LRRN2: variants seen among roughly 807,000 people sequenced by gnomAD.
LRRN2 encodes the protein leucine-rich repeat neuronal protein 2.
A neutral mutation model predicts 35.7 loss-of-function variants in LRRN2; 10 were observed. The observed-to-expected ratio is 0.28, with a 90% CI of 0.17 to 0.47. The LOEUF is 0.47. Among genes scored for constraint, LRRN2 ranks in the 20% least tolerant of loss-of-function variants. The pLI, the probability that LRRN2 is intolerant of heterozygous loss-of-function variation, is 0.99. For synonymous variants in LRRN2, 391 were observed against 409.6 expected, an observed-to-expected ratio of 0.95 and a Z score of 0.55; for missense variants, 731 against 940.3, an observed-to-expected ratio of 0.78 and a Z score of 2.91.
intron 1 of LRRN2, among the ~76,000 whole-genome samples, chr1:204,637,132 G>C (rs531889178): frequency 6.6e-6 from 1 of 152,256 alleles, no homozygotes; most frequent in South Asian, 2.1e-4. Context: ...TTTACTGTGC[G>C]GTATGTTGGA....
chr1:204,674,994 G>A (rs58408615), intron 1 of LRRN2, among the ~76,000 whole-genome samples: 2,114 of 152,296 alleles, frequency 0.014, 42 homozygotes, highest in Middle Eastern at 0.048. Flanking sequence ...GTTCATGAGA[G>A]AATTCATGTA....
At chr1:204,650,169 G>A (rs1341053429) in intron 1 of LRRN2, among the ~76,000 whole-genome samples, 1 of 152,224 alleles carries the variant, frequency 6.6e-6, no homozygotes, top group Non-Finnish European at 1.5e-5. Flanking sequence ...ACTGGCAGGT[G>A]AGGGCTCAGG....
rs1253809357 is a variant in LRRN2, at chr1:204,618,134, G to A, written c.1859C>T (p.Ser620Phe). ...CVWARTKEAT[S>F]CHRALGDRPG... ...ACGGTCCCCTAAGGCTCTGTGGCAAGAAGTGGCCTCTTTGGTCCTGGCCCA... is the reference window on the plus strand; with the variant it reads ...ACGGTCCCCTAAGGCTCTGTGGCAAAAAGTGGCCTCTTTGGTCCTGGCCCA... The change falls in exon 2 of 2, where the codon TCT becomes TTT. Residue 620 changes from serine (S) to phenylalanine (F), a missense_variant. Ser to Phe is a radical substitution (Grantham distance 155). Around this residue, in one of 3 missense-constraint regions of LRRN2, gnomAD observed 229 missense variants for 258.4 expected, o/e 0.89. Coordinates refer to ENST00000367177, the MANE Select transcript of LRRN2 (RefSeq NM_201630.2). The A allele has an allele frequency of 1.2e-6, 2 of 1,614,136 alleles. No homozygotes were observed. The highest frequency in any genetic ancestry group is 3.3e-5 in the Admixed American group (2 of 60,018).
At chr1:204,671,644 A>T (rs868382409) in intron 1 of LRRN2, among the ~76,000 whole-genome samples, 36 of 125,652 alleles carry the variant, frequency 2.9e-4, no homozygotes, top group African/African-American at 1.3e-3. Context: ...ATTGATGGTA[A>T]AAAAAAAAAA....
At chr1:204,666,962 C>CAAAAAA (rs34503593) in intron 1 of LRRN2, among the ~76,000 whole-genome samples, 7 of 64,832 alleles carry the variant, frequency 1.1e-4, no homozygotes, top group Admixed American at 2.2e-4. Context: ...ACTCTGTCTC[C>CAAAAAA]AAAAAAAAAA....
At chr1:204,663,308 T>C (rs1668508749) in intron 1 of LRRN2, among the ~76,000 whole-genome samples, 1 of 152,162 alleles carries the variant, frequency 6.6e-6, no homozygotes, top group African/African-American at 2.4e-5. Flanking sequence ...CTGGCACTAC[T>C]CATGAGAAAC....
At chr1:204,684,312 C>T (rs577751670) in intron 1 of LRRN2, among the ~76,000 whole-genome samples, 1 of 152,312 alleles carries the variant, frequency 6.6e-6, no homozygotes, top group African/African-American at 2.4e-5. Context: ...CCCTGCCAGT[C>T]GCCCAGTTAG....
intron 1 of LRRN2, chr1:204,629,505 A>T (rs1342639803): frequency 6.5e-6 from 1 of 152,992 alleles, no homozygotes; most frequent in Non-Finnish European, 1.5e-5. Context: ...AATTTGAATC[A>T]TGGGGGCAGT....
intron 1 of LRRN2, among the ~76,000 whole-genome samples, chr1:204,659,774 A>G (rs970021377): frequency 3.9e-5 from 6 of 152,168 alleles, no homozygotes; most frequent in Admixed American, 3.3e-4. Flanking sequence ...TAAGTGCCTT[A>G]TAAGTGTTTG....
intron 1 of LRRN2, among the ~76,000 whole-genome samples, chr1:204,633,556 C>T (rs1432430807): frequency 3.3e-5 from 5 of 152,184 alleles, no homozygotes; most frequent in South Asian, 2.1e-4. Flanking sequence ...GGGCTAGGTG[C>T]CTCACCAGAG....
Position 204,674,182 on chromosome 1 carries a change from C to A in LRRN2, c.-227+11138G>T, listed in dbSNP as rs568029753. 2.6e-5 allele frequency among the ~76,000 whole-genome samples: 4 copies of A among 152,210 alleles called. No homozygotes were observed. In the South Asian group the frequency reaches 8.3e-4, roughly 32 times the overall value. ...GGGAGGCCCTGGACCTGAAGCAGCT[C>A]CCTTACTTTGGATGTTACTCAGCAG... On this transcript the variant is annotated intron_variant, in intron 1 of 1. Transcript: ENST00000367177.
At chr1:204,667,129 G>C (rs1470136530) in intron 1 of LRRN2, among the ~76,000 whole-genome samples, 1 of 152,182 alleles carries the variant, frequency 6.6e-6, no homozygotes, top group Admixed American at 6.5e-5. Context: ...GCACAAGGGA[G>C]TCCTGTGATG....
rs189266875 is a variant in LRRN2, at chr1:204,626,002, C to A, written c.-226-5784G>T. On this transcript the variant is annotated intron_variant, in intron 1 of 1. Transcript: ENST00000367177. Reference sequence around the variant, plus strand: ...GTGGGTGACCTCCTGGCCCCCGTGCCCTCTAGGCCTTCTCATCACAGAGTT... The same window carrying A: ...GTGGGTGACCTCCTGGCCCCCGTGCACTCTAGGCCTTCTCATCACAGAGTT... Among the ~76,000 whole-genome samples, 5 of 152,306 alleles carry A rather than the reference C, an allele frequency of 3.3e-5. No homozygotes were observed. The East Asian group carries it at 9.7e-4, about 29-fold the overall frequency.
chr1:204,651,945 C>T (rs1180323205), intron 1 of LRRN2, among the ~76,000 whole-genome samples: 1 of 152,218 alleles, frequency 6.6e-6, no homozygotes, highest in Non-Finnish European at 1.5e-5. Flanking sequence ...ACTCCCTTCC[C>T]CAGCCGGCCC....
intron 1 of LRRN2, among the ~76,000 whole-genome samples, chr1:204,647,278 A>G (rs1164636372): frequency 6.6e-6 from 1 of 152,170 alleles, no homozygotes; most frequent in Non-Finnish European, 1.5e-5. Flanking sequence ...TAAATAAAAT[A>G]CCACACAATT....
At chr1:204,633,065 T>TGTTTAGG (rs1667750370) in intron 1 of LRRN2, 1 of 152,072 alleles carries the variant, frequency 6.6e-6, no homozygotes, top group Admixed American at 6.6e-5. Context: ...TTTTGGGACG[T>TGTTTAGG]GTTTAGGTCA....
At chr1:204,684,732 T>A (rs931183690) in intron 1 of LRRN2, among the ~76,000 whole-genome samples, 1 of 151,636 alleles carries the variant, frequency 6.6e-6, no homozygotes, top group African/African-American at 2.4e-5. Context: ...AAAGGTCCCA[T>A]CCCAGGCTGC....
At chr1:204,639,616 G>T (rs1249763516) in intron 1 of LRRN2, among the ~76,000 whole-genome samples, 4 of 152,128 alleles carry the variant, frequency 2.6e-5, no homozygotes, top group Non-Finnish European at 5.9e-5. Context: ...TCCAAGCTTG[G>T]GTGACAGAAG....
chr1:204,669,928 G>T (rs941317241), intron 1 of LRRN2, among the ~76,000 whole-genome samples: 1 of 152,182 alleles, frequency 6.6e-6, no homozygotes, highest in Non-Finnish European at 1.5e-5. Context: ...GTCCTTAAAA[G>T]GTCAGTCCAG....
Sources: allele counts gnomAD v4.1 joint callset (sites outside exome capture counted in the v4.1 genomes callset), GRCh38; gene constraint gnomAD v4.1.1; regional missense constraint gnomAD v4.1.1; transcripts MANE v1.5; gene names NCBI Gene and HGNC (gene_info 2026-07-23, HGNC 2026-07-21).